The following TRDMT1 variants were observed in gnomAD, a reference collection of about 807,000 sequenced individuals.
TRDMT1 encodes the protein tRNA aspartic acid methyltransferase 1, also known as tRNA (cytosine(38)-C(5))-methyltransferase.
A neutral mutation model predicts 51.2 loss-of-function variants in TRDMT1; 49 were observed. That is an observed-to-expected ratio of 0.96 (90% confidence interval 0.76 to 1.21). The LOEUF is 1.21. TRDMT1 is among the 50% of genes most tolerant of loss of function. The probability of loss-of-function intolerance (pLI) is 0.00; values close to 1 mark genes in which losing one functional copy is unlikely to be tolerated. For synonymous variants in TRDMT1, 187 were observed against 164.6 expected (o/e 1.14, Z -1.04); for missense variants, 534 against 462.3 (o/e 1.16, Z -1.42).
rs150098992 is a variant in TRDMT1 at position 17,145,986 on chromosome 10, T to G, written c.*3054A>C. Reference sequence around the variant, plus strand: ...GTTGAGATGGGAGCAAAAACCCAGATGGTGATTTCTGCTGAGAACTTCCAC... The same window carrying G: ...GTTGAGATGGGAGCAAAAACCCAGAGGGTGATTTCTGCTGAGAACTTCCAC... On this transcript the variant is annotated 3_prime_UTR_variant, in exon 11 of 11. Coordinates refer to ENST00000377799, the MANE Select transcript of TRDMT1 (RefSeq NM_004412.7). The G allele has an allele frequency of 2.4e-4, 240 of 985,442 alleles. No homozygotes were observed. In the African/African-American group the frequency reaches 4.0e-3, roughly 16 times the overall value. 61.0% of individuals were successfully genotyped at this position (985,442 alleles called of 1,614,324 possible).
chr10:17,183,441 G>A (rs2131568576), intron 1 of TRDMT1, among the ~76,000 whole-genome samples: 1 of 152,026 alleles, frequency 6.6e-6, no homozygotes, highest in African/African-American at 2.4e-5. Flanking sequence ...TTTTTGAGAT[G>A]GACTCTTGCT....
At chr10:17,156,012 A>G (rs908003179) in intron 8 of TRDMT1, among the ~76,000 whole-genome samples, 1 of 152,184 alleles carries the variant, frequency 6.6e-6, no homozygotes, top group Non-Finnish European at 1.5e-5. Context: ...GTCTTTCAAG[A>G]TAATGGAAAG....
chr10:17,192,656 T>A (rs891625372), intron 1 of TRDMT1, among the ~76,000 whole-genome samples: 1 of 152,174 alleles, frequency 6.6e-6, no homozygotes, highest in African/African-American at 2.4e-5. Flanking sequence ...TAAATACATA[T>A]GGGAAGCACT....
chr10:17,194,333 G>A lies in TRDMT1; in HGVS notation c.64+7238C>T, dbSNP rs542173517. Reference sequence around the variant, plus strand: ...GGACCTAATTAAACTACAGACCTTCGGCACAGCTAAAGAAACTATCAACAG... The same window carrying A: ...GGACCTAATTAAACTACAGACCTTCAGCACAGCTAAAGAAACTATCAACAG... On this transcript the variant is annotated intron_variant, in intron 1 of 10. Transcript: ENST00000377799. Among the ~76,000 whole-genome samples the A allele has an allele frequency of 4.6e-5, 7 of 152,082 alleles. No homozygotes were observed. In the East Asian group the frequency reaches 5.8e-4, roughly 13 times the overall value.
intron 10 of TRDMT1, among the ~76,000 whole-genome samples, chr10:17,152,255 C>A (rs938843856): frequency 1.3e-5 from 2 of 151,962 alleles, no homozygotes; most frequent in Admixed American, 6.6e-5. Context: ...AACAACACTC[C>A]CCAGGATATT....
At chr10:17,169,617 C>G in intron 2 of TRDMT1, 1 of 930,410 alleles carries the variant, frequency 1.1e-6, no homozygotes, top group Non-Finnish European at 1.5e-6. Flanking sequence ...CAGTGCACAT[C>G]TTTAGCTAGA....
At chr10:17,172,081 C>G (rs959986109) in intron 2 of TRDMT1, 11 of 166,530 alleles carry the variant, frequency 6.6e-5, no homozygotes, top group African/African-American at 2.7e-4. Context: ...ATGGTCAAAC[C>G]CCCCAAATTT....
intron 10 of TRDMT1, chr10:17,150,845 AT>A: frequency 1.0e-6 from 1 of 985,136 alleles, no homozygotes; most frequent in Non-Finnish European, 1.2e-6. Flanking sequence ...TTTATCTAAA[AT>A]TATTTACTTC....
intron 1 of TRDMT1, among the ~76,000 whole-genome samples, chr10:17,199,860 T>C (rs1845923395): frequency 6.6e-6 from 1 of 152,314 alleles, no homozygotes; most frequent in East Asian, 1.9e-4. Context: ...GAAAAACGTG[T>C]ACAAATTCAC....
Position 17,139,288 on chromosome 10 carries a change from A to G in TRDMT1, c.*9752T>C, listed in dbSNP as rs1249980252. ...GAAGTTAAATATTTAGACACCATTC[A>G]TACGATAATCAAAGGAAAATGTCTG... On this transcript the variant is annotated 3_prime_UTR_variant, in exon 11 of 11. Transcript: ENST00000377799. The G allele has an allele frequency of 3.4e-5, 28 of 832,768 alleles. No individual in the cohort carries two copies. The highest frequency in any genetic ancestry group is 4.1e-5 in the Non-Finnish European group (28 of 690,478). The allele number at this position is 832,768 out of a possible 1,614,324, so 51.6% of individuals were successfully genotyped here.
intron 2 of TRDMT1, chr10:17,169,364 C>A: frequency 8.1e-7 from 1 of 1,236,058 alleles, no homozygotes; most frequent in South Asian, 1.4e-5. Context: ...GTCACCATCC[C>A]TTTCATATAC....
rs763273459 is a variant in TRDMT1 at position 17,159,171 on chromosome 10, G to A, written c.518C>T (p.Pro173Leu). Reference sequence around the variant, plus strand: ...CTGACCAGGGGCTTGAAAGGGTAATGGCTCTGACTGAAGCTTTGCAATAAG... The same window carrying A: ...CTGACCAGGGGCTTGAAAGGGTAATAGCTCTGACTGAAGCTTTGCAATAAG... ...YFLIAKLQSE[P>L]LPFQAPGQVL... is the part of the protein sequence containing the mutation. The change falls in exon 7 of 11, where the codon CCA (proline) becomes CTA (leucine). Residue 173 changes from proline (P) to leucine (L), a missense_variant. Physicochemically the swap from Pro to Leu is moderately conservative, Grantham distance 98 (BLOSUM62 -3). Coordinates refer to ENST00000377799, the MANE Select transcript of TRDMT1 (RefSeq NM_004412.7). The A allele has an allele frequency of 1.9e-6, 3 of 1,603,094 alleles. No homozygotes were observed. Among genetic ancestry groups the A allele is most frequent in the Non-Finnish European group, 2.6e-6 (3 of 1,174,506 alleles).
rs1837522487 is a variant in TRDMT1, at chr10:17,139,468, G to A, written c.*9572C>T. 6.6e-6 allele frequency among the ~76,000 whole-genome samples: 1 copy of A among 152,056 alleles called. No homozygotes were observed. The highest frequency in any genetic ancestry group is 1.5e-5 in the Non-Finnish European group (1 of 68,016). ...AGGGGAGGAGAGCAAGAGAGGTGAG[G>A]ATGTCACCACCGATGGGGGGAAGAA... On this transcript the variant is annotated 3_prime_UTR_variant, in exon 11 of 11. Transcript: ENST00000377799.
At chr10:17,155,268 T>C (rs1160535874) in intron 8 of TRDMT1, among the ~76,000 whole-genome samples, 1 of 152,204 alleles carries the variant, frequency 6.6e-6, no homozygotes, top group Non-Finnish European at 1.5e-5. Context: ...GCACAGTTTT[T>C]TGAGTTGAGT....
intron 4 of TRDMT1, 60 bp from the exon 5 acceptor site, chr10:17,161,608 G>T: frequency 3.2e-6 from 2 of 626,356 alleles, no homozygotes; most frequent in Admixed American, 4.2e-5. Context: ...AAAAAGTAAA[G>T]AAAATCATTA....
chr10:17,187,792 C>T (rs548568714), intron 1 of TRDMT1, among the ~76,000 whole-genome samples: 1 of 152,204 alleles, frequency 6.6e-6, no homozygotes, highest in Non-Finnish European at 1.5e-5. Flanking sequence ...TGTCTAAACA[C>T]AAATACATTA....
At chr10:17,154,607 T>C in intron 9 of TRDMT1, 70 bp downstream of exon 9, 1 of 1,208,246 alleles carries the variant, frequency 8.3e-7, no homozygotes, top group Non-Finnish European at 1.1e-6. Context: ...ATTATTCTAA[T>C]GTTCTCAAAG....
Position 17,154,694 on chromosome 10 carries a change from T to G in TRDMT1, c.928A>C (p.Thr310Pro). ...YIEGTGSVLQ[T>P]AEDVQVENIY... is the part of the protein sequence containing the mutation. ...CATAGTACCTGCACATCCTCTGCAG[T>G]CTGTAACACAGACCCTGTCCCTTCT... The change falls in exon 9 of 11, where the codon ACT becomes CCT. Residue 310 changes from threonine to proline, a missense_variant. Thr to Pro is a conservative substitution (Grantham distance 38). Transcript: ENST00000377799. The G allele has an allele frequency of 6.2e-7, 1 of 1,603,504 alleles. No individual in the cohort carries two copies. Among genetic ancestry groups the G allele is most frequent in the South Asian group, 1.1e-5 (1 of 88,872 alleles).
chr10:17,158,587 C>A (rs1054919583), intron 7 of TRDMT1, among the ~76,000 whole-genome samples: 2 of 152,076 alleles, frequency 1.3e-5, no homozygotes, highest in African/African-American at 4.8e-5. Context: ...CTCAGTTATC[C>A]ATCCCCGTTT....
Sources: allele counts gnomAD v4.1 joint callset (sites outside exome capture counted in the v4.1 genomes callset), GRCh38; gene constraint gnomAD v4.1.1; transcripts MANE v1.5; gene names NCBI Gene and HGNC (gene_info 2026-07-23, HGNC 2026-07-21).